PPP6R3: variants seen among roughly 807,000 people sequenced by gnomAD.
The protein encoded by PPP6R3 is protein phosphatase 6 regulatory subunit 3.
In PPP6R3, 38 loss-of-function variants were observed where a neutral mutation model predicts 110.7. The observed-to-expected ratio is 0.34, with a 90% CI of 0.26 to 0.45. The LOEUF (loss-of-function observed/expected upper bound fraction) is 0.45. Ranked by LOEUF, PPP6R3 falls within the 20% of genes least tolerant of loss-of-function variation. The pLI is 1.00. For missense variants in PPP6R3, 870 were observed against 1,062.4 expected (o/e 0.82, Z 2.52); for synonymous variants, 369 against 373.5 (o/e 0.99, Z 0.14).
intron 1 of PPP6R3, among the ~76,000 whole-genome samples, chr11:68,486,455 A>G (rs1035205485): frequency 1.3e-5 from 2 of 151,994 alleles, no homozygotes; most frequent in Admixed American, 1.3e-4. Flanking sequence ...AATACAAAAA[A>G]TTAGCTGGGT....
intron 1 of PPP6R3, among the ~76,000 whole-genome samples, chr11:68,471,128 C>CA (rs1565226801): frequency 6.6e-6 from 1 of 151,370 alleles, no homozygotes; most frequent in Admixed American, 6.6e-5. Context: ...AAAAAAAATA[C>CA]AAAAAAATTA....
chr11:68,588,869 G>A (rs1175373483), intron 16 of PPP6R3, among the ~76,000 whole-genome samples: 2 of 152,012 alleles, frequency 1.3e-5, no homozygotes, highest in East Asian at 3.9e-4. Flanking sequence ...TCAAGTCACT[G>A]TTCTTAATTC....
chr11:68,596,859 C>T lies in PPP6R3; in HGVS notation c.2038+641C>T, dbSNP rs569257215. Reference sequence around the variant, plus strand: ...GCCTGGCCAGTCTCTGATTGCCCTGCAAGGCCTTTTTTATGTTCATCCCAG... The same window carrying T: ...GCCTGGCCAGTCTCTGATTGCCCTGTAAGGCCTTTTTTATGTTCATCCCAG... On this transcript the variant is annotated intron_variant, in intron 19 of 23. Transcript: ENST00000393800. 7.2e-5 allele frequency among the ~76,000 whole-genome samples: 11 copies of T among 152,326 alleles called. No homozygotes were observed. In the South Asian group the frequency reaches 2.3e-3, roughly 32 times the overall value.
intron 5 of PPP6R3, 181 bp from the exon 6 acceptor site, chr11:68,550,940 A>C: frequency 1.8e-6 from 1 of 543,010 alleles, no homozygotes. Flanking sequence ...CCATTGTTAA[A>C]ACAATATATT....
At chr11:68,591,305 T>C (rs1467899346) in intron 17 of PPP6R3, among the ~76,000 whole-genome samples, 1 of 152,200 alleles carries the variant, frequency 6.6e-6, no homozygotes, top group African/African-American at 2.4e-5. Flanking sequence ...GGGAGGCTCC[T>C]GGGATTACAA....
chr11:68,547,783 C>T (rs539642799), intron 4 of PPP6R3, among the ~76,000 whole-genome samples: 1 of 152,254 alleles, frequency 6.6e-6, no homozygotes, highest in East Asian at 1.9e-4. Context: ...GATCACCATT[C>T]TTTGAGAATG....
intron 2 of PPP6R3, among the ~76,000 whole-genome samples, chr11:68,521,377 T>C (rs745436939): frequency 5.9e-5 from 9 of 152,252 alleles, no homozygotes; most frequent in Non-Finnish European, 1.3e-4. Flanking sequence ...AGGATAATAT[T>C]TGAGACTTTC....
At chr11:68,464,659 T>G (rs1281042037) in intron 1 of PPP6R3, among the ~76,000 whole-genome samples, 1 of 152,194 alleles carries the variant, frequency 6.6e-6, no homozygotes, top group African/African-American at 2.4e-5. Context: ...AGACTGAACT[T>G]TAGAAGCATT....
intron 16 of PPP6R3, 140 bp downstream of exon 16, chr11:68,588,164 C>T (rs2099584494): frequency 1.3e-6 from 1 of 763,316 alleles, no homozygotes; most frequent in East Asian, 2.6e-5. Flanking sequence ...TCCTCTAGTT[C>T]CAGCAGATTG....
chr11:68,515,902 T>TA (rs2099134279), intron 1 of PPP6R3, among the ~76,000 whole-genome samples: 1 of 152,204 alleles, frequency 6.6e-6, no homozygotes, highest in South Asian at 2.1e-4. Flanking sequence ...TGTAATAAAA[T>TA]ACATATTAAA....
intron 1 of PPP6R3, among the ~76,000 whole-genome samples, chr11:68,475,160 A>G (rs867762892): frequency 6.6e-6 from 1 of 152,192 alleles, no homozygotes; most frequent in Non-Finnish European, 1.5e-5. Flanking sequence ...AACAAAGCAC[A>G]TCTTGCACCG....
chr11:68,602,143 G>A (rs2099633844), intron 21 of PPP6R3, among the ~76,000 whole-genome samples, 174 bp downstream of exon 21: 1 of 152,216 alleles, frequency 6.6e-6, no homozygotes, highest in Non-Finnish European at 1.5e-5. Context: ...ACAGCATGCT[G>A]ACTCTGGAAA....
At chr11:68,543,494 C>T (rs1294258169) in intron 3 of PPP6R3, among the ~76,000 whole-genome samples, 1 of 151,960 alleles carries the variant, frequency 6.6e-6, no homozygotes, top group Non-Finnish European at 1.5e-5. Context: ...CACACCAGAG[C>T]CTGTCAAGTG....
At chr11:68,547,262 A>G (rs1024531942) in intron 4 of PPP6R3, among the ~76,000 whole-genome samples, 29 of 151,994 alleles carry the variant, frequency 1.9e-4, no homozygotes, top group African/African-American at 2.9e-4. Flanking sequence ...CCCACGCCCC[A>G]GAGCTTTTGA....
intron 4 of PPP6R3, among the ~76,000 whole-genome samples, chr11:68,546,386 ATCC>A (rs2099349291): frequency 6.6e-6 from 1 of 152,186 alleles, no homozygotes; most frequent in Non-Finnish European, 1.5e-5. Context: ...TGCTGTTGGA[ATCC>A]AAGTTGGCGA....
In PPP6R3 at chr11:68,553,343, G is replaced by C. The variant is rs113626823; in HGVS notation, c.619-802G>C. ...AGTTTCGCTTTTGTTGCCCAGGCTGGAGTGCAATGGTGCCATCTCGGCTCA... is the reference window on the plus strand; with the variant it reads ...AGTTTCGCTTTTGTTGCCCAGGCTGCAGTGCAATGGTGCCATCTCGGCTCA... On this transcript the variant is annotated intron_variant, in intron 6 of 23. Coordinates refer to ENST00000393800, the MANE Select transcript of PPP6R3 (RefSeq NM_001164161.2). Among the ~76,000 whole-genome samples, 614 of 151,058 alleles carry C rather than the reference G, an allele frequency of 4.1e-3. 4 individuals carry two copies. The highest frequency in any genetic ancestry group is 0.014 in the African/African-American group (564 of 41,028).
At chr11:68,482,951 A>G (rs12365160) in intron 1 of PPP6R3, among the ~76,000 whole-genome samples, 36,616 of 152,024 alleles carry the variant, frequency 0.24, 4,680 homozygotes, top group Middle Eastern at 0.33. Flanking sequence ...TCTTTTTAAT[A>G]GCTGCATACT....
At chr11:68,545,499 C>A (rs1370734768) in intron 4 of PPP6R3, among the ~76,000 whole-genome samples, 2 of 152,198 alleles carry the variant, frequency 1.3e-5, no homozygotes, top group Non-Finnish European at 2.9e-5. Flanking sequence ...AAAACTTCTC[C>A]AGTGTCAGGC....
At chr11:68,532,849 A>G (rs1247652663) in intron 2 of PPP6R3, among the ~76,000 whole-genome samples, 1 of 152,238 alleles carries the variant, frequency 6.6e-6, no homozygotes, top group Admixed American at 6.5e-5. Flanking sequence ...GCAATAGGCT[A>G]TACCAGATAG....
Sources: allele counts gnomAD v4.1 joint callset (sites outside exome capture counted in the v4.1 genomes callset), GRCh38; gene constraint gnomAD v4.1.1; transcripts MANE v1.5; gene names NCBI Gene and HGNC (gene_info 2026-07-23, HGNC 2026-07-21).